Variants in CPED1 observed in about 807,000 individuals in gnomAD.
CPED1 encodes cadherin-like and PC-esterase domain-containing protein 1.
In CPED1, 114 loss-of-function variants were observed where a neutral mutation model predicts 128.2. The ratio of observed to expected loss-of-function variants is 0.89; its 90% CI spans 0.76 to 1.04. CPED1 has a LOEUF of 1.04. Among genes scored for constraint, CPED1 ranks in the 50% least tolerant of loss-of-function variants. The probability of loss-of-function intolerance (pLI) is 0.00; values close to 1 mark genes in which losing one functional copy is unlikely to be tolerated. For synonymous variants in CPED1, 462 were observed against 426.7 expected, an observed-to-expected ratio of 1.08 and a Z score of -1.02; for missense variants, 1,211 against 1,207.1, an observed-to-expected ratio of 1.00 and a Z score of -0.05.
chr7:121,072,984 A>G (rs1794032195), intron 5 of CPED1, among the ~76,000 whole-genome samples: 1 of 152,100 alleles, frequency 6.6e-6, no homozygotes, highest in Non-Finnish European at 1.5e-5. Context: ...CAGTGTCACA[A>G]TGTGGCTTTG....
chr7:121,122,726 GTTGAA>G (rs1195137909), intron 7 of CPED1, among the ~76,000 whole-genome samples: 13 of 152,226 alleles, frequency 8.5e-5, no homozygotes, highest in Admixed American at 4.6e-4. Flanking sequence ...TTCTCTAAAA[GTTGAA>G]TTGAATGGCA....
At chr7:121,264,604 C>T (rs1792086752) in intron 18 of CPED1, among the ~76,000 whole-genome samples, 1 of 151,972 alleles carries the variant, frequency 6.6e-6, no homozygotes, top group South Asian at 2.1e-4. Context: ...ATACGCTCAC[C>T]ATGGAAAGAG....
chr7:121,052,158 T>C (rs1226047579), intron 4 of CPED1: 3 of 152,326 alleles, frequency 2.0e-5, no homozygotes, highest in African/African-American at 7.2e-5. Context: ...GTGATAGTTA[T>C]GTTCCCAACC....
intron 16 of CPED1, among the ~76,000 whole-genome samples, chr7:121,213,718 A>C (rs1324671741): frequency 6.6e-6 from 1 of 152,066 alleles, no homozygotes; most frequent in Non-Finnish European, 1.5e-5. Context: ...AGAGCACCAA[A>C]ATATGACTAT....
At chr7:121,045,849 C>T (rs1306398981) in intron 3 of CPED1, among the ~76,000 whole-genome samples, 1 of 152,054 alleles carries the variant, frequency 6.6e-6, no homozygotes, top group African/African-American at 2.4e-5. Flanking sequence ...TTTGAGATAC[C>T]TATTTCTATA....
Position 121,124,366 on chromosome 7 carries a change from T to C in CPED1, c.954T>C (p.Ser318=). The change falls in exon 8 of 23, where the codon AGT becomes AGC. Residue 318 remains serine, a synonymous_variant. Transcript: ENST00000310396. The stretch of plus-strand genomic sequence containing the variant: ...TTTTTGAGACATTCCTGAGAGCCAG[T>C]TCACCTCAACAGGCTTTTGACATTA... ...QTFFETFLRA[S]SPQQAFDIMK... is the part of the protein sequence containing the mutation. 6.2e-7 allele frequency: 1 copy of C among 1,610,152 alleles called. No individual in the cohort carries two copies. The highest frequency in any genetic ancestry group is 8.5e-7 in the Non-Finnish European group (1 of 1,177,782).
intron 18 of CPED1, among the ~76,000 whole-genome samples, chr7:121,256,620 G>C (rs1421952265): frequency 6.6e-6 from 1 of 152,078 alleles, no homozygotes; most frequent in Non-Finnish European, 1.5e-5. Context: ...AATTAGTTCA[G>C]CCACTGTGGA....
intron 3 of CPED1, among the ~76,000 whole-genome samples, chr7:121,030,647 C>T (rs1792705177): frequency 6.6e-6 from 1 of 152,070 alleles, no homozygotes; most frequent in South Asian, 2.1e-4. Flanking sequence ...AGTAGTGATG[C>T]TAGTATATTG....
At position 121,247,235 on chromosome 7, in the gene CPED1, A is replaced by G. The variant is rs370061936; in HGVS notation, c.2310+2897A>G. On this transcript the variant is annotated intron_variant, in intron 18 of 22. Coordinates refer to ENST00000310396, the MANE Select transcript of CPED1 (RefSeq NM_024913.5). ...TTGATGTAAAATCCAACGCATACCT[A>G]CAAACATGTTTACATGCATAGAGAA... Among the ~76,000 whole-genome samples, 32 of 152,344 alleles carry G rather than the reference A, an allele frequency of 2.1e-4. No individual in the cohort carries two copies. In the East Asian group the frequency reaches 2.9e-3, roughly 14 times the overall value.
chr7:121,001,117 C>T lies in CPED1; in HGVS notation c.249+11247C>T, dbSNP rs114744641. On this transcript the variant is annotated intron_variant, in intron 2 of 22. Transcript: ENST00000310396. The stretch of plus-strand genomic sequence containing the variant: ...TTTGATTGTCACCCTGTGTTTTCTT[C>T]GGTACATTTTGCTCAGGTAAATGTT... 2.0e-3 allele frequency among the ~76,000 whole-genome samples: 306 copies of T among 152,194 alleles called. 2 individuals carry two copies. Among genetic ancestry groups the T allele is most frequent in the African/African-American group, 6.7e-3 (277 of 41,534 alleles).
chr7:121,169,407 TTTATA>T (rs1209730931), intron 16 of CPED1, among the ~76,000 whole-genome samples: 1 of 152,194 alleles, frequency 6.6e-6, no homozygotes, highest in Non-Finnish European at 1.5e-5. Flanking sequence ...AATTTTCTGT[TTTATA>T]TTAAGAATAG....
chr7:121,136,972 T>C (rs1795799134), intron 14 of CPED1, among the ~76,000 whole-genome samples: 1 of 151,954 alleles, frequency 6.6e-6, no homozygotes, highest in Non-Finnish European at 1.5e-5. Context: ...AAAAATTGAG[T>C]TCTATATAGC....
intron 5 of CPED1, among the ~76,000 whole-genome samples, chr7:121,067,271 C>G (rs1456617335): frequency 1.3e-5 from 2 of 151,232 alleles, no homozygotes; most frequent in Non-Finnish European, 2.9e-5. Context: ...CCCATTCCCC[C>G]ACCCCACAAC....
At chr7:121,267,060 C>A (rs1430877308) in intron 20 of CPED1, among the ~76,000 whole-genome samples, 155 bp from the exon 21 acceptor site, 2 of 151,966 alleles carry the variant, frequency 1.3e-5, no homozygotes, top group South Asian at 2.1e-4. Context: ...CTTAAAAAAA[C>A]CGTATTATAC....
intron 4 of CPED1, among the ~76,000 whole-genome samples, chr7:121,059,391 T>C (rs1793590625): frequency 6.6e-6 from 1 of 152,246 alleles, no homozygotes; most frequent in African/African-American, 2.4e-5. Flanking sequence ...ATTAATTCTT[T>C]TCATTGTGGA....
chr7:121,271,214 C>T (rs1792221271), intron 21 of CPED1, 70 bp from the exon 22 acceptor site: 2 of 1,264,340 alleles, frequency 1.6e-6, no homozygotes, highest in Admixed American at 4.1e-5. Flanking sequence ...ACATAATTTC[C>T]ACCTAACTTA....
intron 16 of CPED1, among the ~76,000 whole-genome samples, chr7:121,147,741 CA>C (rs1285832445): frequency 6.6e-6 from 1 of 152,106 alleles, no homozygotes; most frequent in Non-Finnish European, 1.5e-5. Flanking sequence ...CTATGTTTCA[CA>C]GATCTGTTTG....
intron 5 of CPED1, among the ~76,000 whole-genome samples, chr7:121,074,509 GTTTTTT>G (rs1157885862): frequency 1.2e-5 from 1 of 80,838 alleles, no homozygotes; most frequent in African/African-American, 4.5e-5. Flanking sequence ...TTTCCTTTGT[GTTTTTT>G]TTTTTTTTTT....
At chr7:121,117,044 CATAT>C (rs1226022147) in intron 7 of CPED1, among the ~76,000 whole-genome samples, 1 of 140,328 alleles carries the variant, frequency 7.1e-6, no homozygotes, top group Non-Finnish European at 1.5e-5. Flanking sequence ...TATACACACA[CATAT>C]ATACACACAT....
Sources: gnomAD v4.1 joint callset for allele counts (sites outside exome capture counted in the v4.1 genomes callset) on GRCh38, gnomAD v4.1.1 for gene constraint, MANE v1.5 for transcripts, NCBI Gene and HGNC (gene_info 2026-07-23, HGNC 2026-07-21) for gene names.